Variants in BNC2 observed in about 807,000 individuals in gnomAD.
BNC2 encodes zinc finger protein basonuclin-2.
In BNC2, 20 loss-of-function variants were observed where a neutral mutation model predicts 76.3. The observed-to-expected ratio is 0.26, with a 90% CI of 0.18 to 0.38. The LOEUF (loss-of-function observed/expected upper bound fraction) is 0.38, where lower values mean the gene tolerates loss of function less well. Ranked by LOEUF, BNC2 falls within the 10% of genes least tolerant of loss-of-function variation. The pLI, the probability that BNC2 is intolerant of heterozygous loss-of-function variation, is 1.00. For missense variants in BNC2, 1,382 were observed against 1,399.8 expected, an observed-to-expected ratio of 0.99 and a Z score of 0.20; for synonymous variants, 582 against 514.8, an observed-to-expected ratio of 1.13 and a Z score of -1.77.
In BNC2 at chr9:16,858,824, C is replaced by A. The variant is rs550114512; in HGVS notation, c.3+11822G>T. On this transcript the variant is annotated intron_variant, in intron 1 of 6. Coordinates refer to ENST00000380672, the MANE Select transcript of BNC2 (RefSeq NM_017637.6). ...TTGCACCACTGCACTCCAGCCTGGG[C>A]GAAAGAGGGAGACTCCATCTCAAAA... 2.7e-5 allele frequency among the ~76,000 whole-genome samples: 4 copies of A among 148,368 alleles called. No individual in the cohort carries two copies. The South Asian group carries it at 8.6e-4, about 32-fold the overall frequency.
chr9:16,573,437 A>G (rs1819388090), intron 4 of BNC2, among the ~76,000 whole-genome samples: 1 of 152,172 alleles, frequency 6.6e-6, no homozygotes. Flanking sequence ...TTTGGTGTAC[A>G]CTTTATACCT....
chr9:16,843,406 C>A (rs1818883549), intron 1 of BNC2, among the ~76,000 whole-genome samples: 1 of 152,222 alleles, frequency 6.6e-6, no homozygotes, highest in Non-Finnish European at 1.5e-5. Flanking sequence ...TCTCAGCTTA[C>A]TGCAAGCTCC....
intron 3 of BNC2, among the ~76,000 whole-genome samples, chr9:16,664,142 G>T (rs1822195303): frequency 6.6e-6 from 1 of 152,134 alleles, no homozygotes; most frequent in Non-Finnish European, 1.5e-5. Flanking sequence ...ACAAAAAAAT[G>T]ACACTCTGGA....
Position 16,853,912 on chromosome 9 carries a change from G to A in BNC2, c.3+16734C>T, listed in dbSNP as rs148276885. The stretch of plus-strand genomic sequence containing the variant: ...AAATTTGGAGTTCATTAAGCTCTGC[G>A]GGTTTAAATAATAAAATTCTCACAT... On this transcript the variant is annotated intron_variant, in intron 1 of 6. Coordinates refer to ENST00000380672, the MANE Select transcript of BNC2 (RefSeq NM_017637.6). Among the ~76,000 whole-genome samples, 62 of 152,214 alleles carry A rather than the reference G, an allele frequency of 4.1e-4. 1 individual carries two copies. Among genetic ancestry groups the A allele is most frequent in the Admixed American group, 1.4e-3 (21 of 15,292 alleles).
At chr9:16,755,483 T>C (rs555323126) in intron 1 of BNC2, among the ~76,000 whole-genome samples, 1 of 152,096 alleles carries the variant, frequency 6.6e-6, no homozygotes, top group Non-Finnish European at 1.5e-5. Flanking sequence ...GCTTAACCAT[T>C]AGGGTAATAT....
chr9:16,585,932 G>C (rs892382070), intron 3 of BNC2, among the ~76,000 whole-genome samples: 1 of 152,056 alleles, frequency 6.6e-6, no homozygotes, highest in Non-Finnish European at 1.5e-5. Context: ...GAAAATGCAG[G>C]TATGCAGAAA....
chr9:16,457,324 G>A (rs1393606422), intron 5 of BNC2, among the ~76,000 whole-genome samples: 4 of 152,040 alleles, frequency 2.6e-5, no homozygotes, highest in Non-Finnish European at 5.9e-5. Context: ...ACTTACTTAG[G>A]GACCTGTGTT....
At chr9:16,434,749 A>G in intron 6 of BNC2, 1 of 441,450 alleles carries the variant, frequency 2.3e-6, no homozygotes, top group Non-Finnish European at 4.6e-6. Context: ...GCAACTACAT[A>G]GCAAGAGTGT....
intron 3 of BNC2, among the ~76,000 whole-genome samples, chr9:16,713,353 A>AG (rs2134751436): frequency 6.6e-6 from 1 of 152,182 alleles, no homozygotes; most frequent in Non-Finnish European, 1.5e-5. Flanking sequence ...ACAGAACTCA[A>AG]GGGGGCAGAA....
At chr9:16,653,364 G>T (rs910213823) in intron 3 of BNC2, among the ~76,000 whole-genome samples, 3 of 152,118 alleles carry the variant, frequency 2.0e-5, no homozygotes, top group African/African-American at 7.2e-5. Context: ...TGTACAAACA[G>T]AAAATAAACT....
In BNC2 at chr9:16,436,113, T is replaced by A. The variant is rs772749729; in HGVS notation, c.2081A>T (p.His694Leu). ...CCTTGAAATGCACCGGGTCCTGTTA[T>A]GCTTAGAAAAGTCCTTCACAGACAT... ...PGMSVKDFSK[H>L]NRTRCISRTE... Residue 694 changes from histidine to leucine, a missense_variant, in exon 6 of 7, where the codon CAT becomes CTT. This residue lies in a region of BNC2 where 798 missense variants were observed against 775.5 expected (regional missense o/e 1.03). Transcript: ENST00000380672. 6 of 1,614,098 alleles carry A rather than the reference T, an allele frequency of 3.7e-6. No individual in the cohort carries two copies. Among genetic ancestry groups the A allele is most frequent in the Non-Finnish European group, 5.1e-6 (6 of 1,180,052 alleles).
chr9:16,771,083 C>T (rs980051727), intron 1 of BNC2, among the ~76,000 whole-genome samples: 2 of 152,124 alleles, frequency 1.3e-5, no homozygotes, highest in South Asian at 2.1e-4. Context: ...GCACAAGAAT[C>T]GCTTGAACCC....
At chr9:16,825,335 T>C (rs1818429492) in intron 1 of BNC2, among the ~76,000 whole-genome samples, 1 of 152,150 alleles carries the variant, frequency 6.6e-6, no homozygotes. Context: ...AGTTCTGAAA[T>C]CCCTATTCTC....
At chr9:16,724,308 T>C (rs57084689) in intron 3 of BNC2, among the ~76,000 whole-genome samples, 7,418 of 151,920 alleles carry the variant, frequency 0.049, 603 homozygotes, top group African/African-American at 0.17. Context: ...TTTATACAAA[T>C]AGAAGAATTG....
intron 4 of BNC2, chr9:16,575,418 A>C (rs1293760025): frequency 5.1e-6 from 5 of 985,308 alleles, no homozygotes; most frequent in Non-Finnish European, 2.4e-6. Context: ...GCTAGGAAAA[A>C]AAGAAAATCT....
At chr9:16,537,692 A>G (rs1818172667) in intron 5 of BNC2, among the ~76,000 whole-genome samples, 1 of 152,210 alleles carries the variant, frequency 6.6e-6, no homozygotes, top group African/African-American at 2.4e-5. Context: ...ATAAATGGCA[A>G]CCAGACTCAT....
At chr9:16,752,651 G>GTA (rs74473075) in intron 1 of BNC2, among the ~76,000 whole-genome samples, 130,491 of 152,102 alleles carry the variant, frequency 0.86, 56,412 homozygotes, top group Non-Finnish European at 0.91. Flanking sequence ...AAAATAATCT[G>GTA]TATAGTTTTC....
At chr9:16,445,686 A>C (rs1230588276) in intron 5 of BNC2, among the ~76,000 whole-genome samples, 2 of 152,152 alleles carry the variant, frequency 1.3e-5, no homozygotes, top group Non-Finnish European at 2.9e-5. Context: ...AGGGTGTGGC[A>C]TGGGCAGAAA....
intron 5 of BNC2, among the ~76,000 whole-genome samples, chr9:16,522,647 C>CT (rs980537795): frequency 1.3e-5 from 2 of 152,104 alleles, no homozygotes; most frequent in Admixed American, 6.5e-5. Flanking sequence ...AGGTTTGAAG[C>CT]TTTTTAAAAG....
Sources: gnomAD v4.1 joint callset for allele counts (sites outside exome capture counted in the v4.1 genomes callset) on GRCh38, gnomAD v4.1.1 for gene constraint, gnomAD v4.1.1 regional missense constraint, MANE v1.5 for transcripts, NCBI Gene and HGNC (gene_info 2026-07-23, HGNC 2026-07-21) for gene names.